The following GPHN variants were observed in gnomAD, a reference collection of about 807,000 sequenced individuals.
The protein encoded by GPHN is gephyrin.
A neutral mutation model predicts 95.5 loss-of-function variants in GPHN; 17 were observed. The observed-to-expected ratio is 0.18, with a 90% CI of 0.12 to 0.27. GPHN has a LOEUF of 0.27. GPHN is among the 10% of genes least tolerant of loss of function. The pLI is 1.00. For synonymous variants in GPHN, 320 were observed against 322.5 expected (o/e 0.99, Z 0.08); for missense variants, 660 against 978.1 (o/e 0.67, Z 4.34).
the GPHN span, among the ~76,000 whole-genome samples, chr14:67,514,614 G>A: frequency 2.0e-5 from 3 of 152,064 alleles, no homozygotes; most frequent in Non-Finnish European, 2.9e-5. Flanking sequence ...TCTAATTCAG[G>A]AGGGTCCTTG....
chr14:66,566,254 A>C (rs1205423330), intron 1 of GPHN, among the ~76,000 whole-genome samples: 1 of 152,162 alleles, frequency 6.6e-6, no homozygotes, highest in Non-Finnish European at 1.5e-5. Context: ...CTTAAAAAAA[A>C]CCTAAAGGAA....
the GPHN span, chr14:67,380,586 C>G: frequency 1.4e-6 from 1 of 739,714 alleles, no homozygotes; most frequent in Non-Finnish European, 2.1e-6. Context: ...ATGCATTGTT[C>G]CATAGTGTTT....
rs1197982153 is a variant in GPHN, at chr14:66,508,454, C to T, written c.-74C>T. The T allele has an allele frequency of 1.4e-6, 2 of 1,380,374 alleles. No homozygotes were observed. Among genetic ancestry groups the T allele is most frequent in the Non-Finnish European group, 2.1e-6 (2 of 967,604 alleles). The allele number at this position is 1,380,374 out of a possible 1,614,324, so 85.5% of individuals were successfully genotyped here. On this transcript the variant is annotated 5_prime_UTR_variant, in exon 1 of 23. Coordinates refer to ENST00000478722, the MANE Select transcript of GPHN (RefSeq NM_020806.5). ...TAGCTGTCGCGCTCTCCTCGGCGAG[C>T]GCGCTCCCGGCCCGCGCGCTCCGGG...
intron 3 of GPHN, among the ~76,000 whole-genome samples, chr14:66,802,131 C>T (rs972290230): frequency 2.6e-5 from 4 of 152,156 alleles, no homozygotes; most frequent in African/African-American, 7.2e-5. Context: ...CTTAGATGTC[C>T]ACCTAGTGTT....
At chr14:67,169,792 T>C (rs1184207077) in intron 21 of GPHN, among the ~76,000 whole-genome samples, 1 of 152,192 alleles carries the variant, frequency 6.6e-6, no homozygotes, top group East Asian at 1.9e-4. Context: ...AGATAAAATA[T>C]TAGGCCAGGC....
chr14:66,554,782 G>A (rs1000186998), intron 1 of GPHN, among the ~76,000 whole-genome samples: 2 of 152,144 alleles, frequency 1.3e-5, no homozygotes, highest in African/African-American at 2.4e-5. Context: ...CCTCTAACAA[G>A]CTCATTTTCA....
At chr14:67,460,330 T>C in the GPHN span, among the ~76,000 whole-genome samples, 2 of 152,196 alleles carry the variant, frequency 1.3e-5, no homozygotes, top group East Asian at 1.9e-4. Context: ...CTACTCTCCC[T>C]ATCCTCAGTT....
Position 66,589,965 on chromosome 14 carries a change from A to G in GPHN, c.64+81374A>G, listed in dbSNP as rs892081733. 8.6e-5 allele frequency among the ~76,000 whole-genome samples: 13 copies of G among 151,674 alleles called. No homozygotes were observed. The East Asian group carries it at 2.1e-3, about 25-fold the overall frequency. ...CTTCAGCAAATGCAAAAGAATGGAA[A>G]TCATAATAGTCTCTCAGACCACAGT... On this transcript the variant is annotated intron_variant, in intron 1 of 22. Coordinates refer to ENST00000478722, the MANE Select transcript of GPHN (RefSeq NM_020806.5).
At chr14:67,519,858 G>A in the GPHN span, among the ~76,000 whole-genome samples, 2 of 152,216 alleles carry the variant, frequency 1.3e-5, no homozygotes, top group South Asian at 2.1e-4. Flanking sequence ...ATGTAGCTGG[G>A]ACTACAGGCG....
chr14:67,258,015 C>A, the GPHN span, among the ~76,000 whole-genome samples: 1 of 151,792 alleles, frequency 6.6e-6, no homozygotes, highest in Non-Finnish European at 1.5e-5. Flanking sequence ...TGGGAAAAAT[C>A]TCTCTCCTCT....
the GPHN span, among the ~76,000 whole-genome samples, chr14:67,200,868 AGTCTATAG>A: frequency 1.3e-5 from 2 of 152,380 alleles, no homozygotes; most frequent in South Asian, 2.1e-4. Flanking sequence ...GGTAGTTAGC[AGTCTATAG>A]GTCAGACGTT....
At chr14:67,273,585 G>C in the GPHN span, among the ~76,000 whole-genome samples, 6 of 152,164 alleles carry the variant, frequency 3.9e-5, no homozygotes, top group Admixed American at 3.9e-4. Flanking sequence ...GTCAACATAT[G>C]TGTGCATGTG....
At chr14:67,225,457 T>C in the GPHN span, among the ~76,000 whole-genome samples, 1 of 152,156 alleles carries the variant, frequency 6.6e-6, no homozygotes, top group Non-Finnish European at 1.5e-5. Flanking sequence ...AAAGATAACA[T>C]CAGCACAGGG....
chr14:67,712,405 T>G, the GPHN span, among the ~76,000 whole-genome samples: 1 of 151,154 alleles, frequency 6.6e-6, no homozygotes, highest in Non-Finnish European at 1.5e-5. Context: ...CTAAGCTACA[T>G]TCTTCCTTAA....
At chr14:67,318,493 C>T in the GPHN span, among the ~76,000 whole-genome samples, 4 of 151,998 alleles carry the variant, frequency 2.6e-5, no homozygotes, top group Non-Finnish European at 5.9e-5. Context: ...CTGTAGAAAA[C>T]GTGGCAAATC....
intron 9 of GPHN, among the ~76,000 whole-genome samples, chr14:67,013,266 A>G (rs1231010314): frequency 6.6e-6 from 1 of 152,058 alleles, no homozygotes; most frequent in Non-Finnish European, 1.5e-5. Flanking sequence ...TTATTTAGCT[A>G]GCCTAACTTC....
the GPHN span, chr14:67,365,135 T>C: frequency 9.6e-7 from 1 of 1,037,710 alleles, no homozygotes; most frequent in South Asian, 1.9e-5. Flanking sequence ...ACCTTTTACA[T>C]ACAAAGTTGT....
At chr14:67,570,003 A>T in the GPHN span, 3 of 1,594,542 alleles carry the variant, frequency 1.9e-6, no homozygotes, top group Non-Finnish European at 2.6e-6. Context: ...TCTACACAGC[A>T]CTGAAGGGGG....
At chr14:67,068,560 A>T (rs2076159080) in intron 11 of GPHN, among the ~76,000 whole-genome samples, 1 of 152,208 alleles carries the variant, frequency 6.6e-6, no homozygotes, top group African/African-American at 2.4e-5. Flanking sequence ...TGAAATTCCC[A>T]ATCTTTTTCT....
Sources: allele counts gnomAD v4.1 joint callset (sites outside exome capture counted in the v4.1 genomes callset), GRCh38; gene constraint gnomAD v4.1.1; transcripts MANE v1.5; gene names NCBI Gene and HGNC (gene_info 2026-07-23, HGNC 2026-07-21).